Variants in LOXHD1 observed in about 807,000 individuals in gnomAD.
LOXHD1 encodes lipoxygenase homology PLAT domains 1, also known as lipoxygenase homology domain-containing protein 1.
LOXHD1 carries 205 observed loss-of-function variants against 248.2 expected under a neutral mutation model. The observed-to-expected ratio is 0.83, with a 90% confidence interval of 0.74 to 0.93. LOXHD1 has a LOEUF of 0.93. LOXHD1 is among the 40% of genes least tolerant of loss of function. The pLI, the probability that LOXHD1 is intolerant of heterozygous loss-of-function variation, is 0.00. For missense variants in LOXHD1, 2,930 were observed against 2,971.6 expected, an observed-to-expected ratio of 0.99 and a Z score of 0.33; for synonymous variants, 1,113 against 1,162.8, an observed-to-expected ratio of 0.96 and a Z score of 0.87.
intron 5 of LOXHD1, among the ~76,000 whole-genome samples, chr18:46,615,654 G>A (rs1014479708): frequency 1.3e-5 from 2 of 152,094 alleles, no homozygotes; most frequent in Non-Finnish European, 2.9e-5. Context: ...TGATAAGAAT[G>A]TGTATTCTCT....
chr18:46,529,365 G>A (rs1486183595), intron 28 of LOXHD1, 34 bp from the exon 29 acceptor site: 1 of 1,509,574 alleles, frequency 6.6e-7, no homozygotes, highest in Middle Eastern at 1.7e-4. Context: ...GACAGACAAA[G>A]GGAAGAAAAG....
At chr18:46,644,219 G>A (rs987847678) in intron 2 of LOXHD1, among the ~76,000 whole-genome samples, 3 of 152,192 alleles carry the variant, frequency 2.0e-5, no homozygotes, top group African/African-American at 7.2e-5. Flanking sequence ...TTCTGATGGT[G>A]CCTGAAATTT....
intron 26 of LOXHD1, among the ~76,000 whole-genome samples, chr18:46,535,433 C>T (rs2144292609): frequency 6.6e-6 from 1 of 152,236 alleles, no homozygotes; most frequent in African/African-American, 2.4e-5. Flanking sequence ...AGGTGAGCCC[C>T]TGAACTGGGC....
intron 25 of LOXHD1, among the ~76,000 whole-genome samples, chr18:46,538,696 T>C (rs1598949333): frequency 6.6e-6 from 1 of 152,186 alleles, no homozygotes; most frequent in Admixed American, 6.5e-5. Flanking sequence ...GGCAAGTTAA[T>C]TCTGAGCCTC....
Position 46,545,437 on chromosome 18 carries a change from T to C in LOXHD1, c.3515-16A>G. ...GTAGATTTATCTGCCAAGAGAATAG[T>C]ATAGAGCAATGAATTGTAGACTGTT... On this transcript the variant is annotated splice_polypyrimidine_tract_variant and intron_variant, in intron 22 of 40. Transcript: ENST00000642948. 6.6e-7 allele frequency: 1 copy of C among 1,520,610 alleles called. No individual in the cohort carries two copies. The highest frequency in any genetic ancestry group is 1.7e-4 in the Middle Eastern group (1 of 5,940). 94.2% of individuals were successfully genotyped at this position (1,520,610 alleles called of 1,614,324 possible).
At chr18:46,548,480 T>A (rs1023603082) in intron 21 of LOXHD1, among the ~76,000 whole-genome samples, 1 of 152,184 alleles carries the variant, frequency 6.6e-6, no homozygotes, top group African/African-American at 2.4e-5. Context: ...ACTGATGGCA[T>A]GGATTTAAAG....
intron 15 of LOXHD1, 36 bp from the exon 16 acceptor site, chr18:46,569,674 G>T (rs962811930): frequency 3.3e-6 from 5 of 1,517,370 alleles, no homozygotes; most frequent in Admixed American, 2.0e-5. Flanking sequence ...AAGGGAAGGG[G>T]TTAGTGCAGG....
intron 34 of LOXHD1, among the ~76,000 whole-genome samples, chr18:46,515,567 T>TA (rs1173867529): frequency 6.6e-6 from 1 of 152,232 alleles, no homozygotes; most frequent in Non-Finnish European, 1.5e-5. Flanking sequence ...GGAATTTAGA[T>TA]ACTTCCAGAA....
chr18:46,656,764 G>A (rs887836377), intron 1 of LOXHD1, 140 bp downstream of exon 1: 72 of 1,001,912 alleles, frequency 7.2e-5, no homozygotes, highest in Middle Eastern at 3.2e-4. Flanking sequence ...ACTCCGAGGG[G>A]ATATGGAACA....
chr18:46,623,325 A>G (rs2038694605), intron 4 of LOXHD1, among the ~76,000 whole-genome samples: 1 of 152,204 alleles, frequency 6.6e-6, no homozygotes. Context: ...TACCTTTCAC[A>G]TAGTCACCTC....
chr18:46,550,377 T>C (rs1463492672), intron 21 of LOXHD1, among the ~76,000 whole-genome samples: 1 of 151,300 alleles, frequency 6.6e-6, no homozygotes, highest in Non-Finnish European at 1.5e-5. Flanking sequence ...ATCGAGACCA[T>C]CCTGGCTAAC....
intron 21 of LOXHD1, among the ~76,000 whole-genome samples, chr18:46,557,025 C>T (rs1310810609): frequency 4.1e-5 from 6 of 145,644 alleles, no homozygotes; most frequent in East Asian, 2.1e-4. Context: ...CCTTACTTTT[C>T]GACGTCACAG....
intron 37 of LOXHD1, among the ~76,000 whole-genome samples, chr18:46,503,294 T>C (rs898348555): frequency 7.2e-5 from 11 of 152,164 alleles, no homozygotes; most frequent in African/African-American, 2.7e-4. Flanking sequence ...AGACAAGCTC[T>C]CCTGTTAGGG....
chr18:46,496,100 T>A (rs2033848913), intron 37 of LOXHD1, among the ~76,000 whole-genome samples: 1 of 152,070 alleles, frequency 6.6e-6, no homozygotes, highest in African/African-American at 2.4e-5. Flanking sequence ...TGATTTTATA[T>A]CCCCCAGCAA....
chr18:46,523,243 G>C (rs1421579011), intron 31 of LOXHD1, among the ~76,000 whole-genome samples: 1 of 152,158 alleles, frequency 6.6e-6, no homozygotes, highest in Non-Finnish European at 1.5e-5. Flanking sequence ...CACCACGCCT[G>C]GCCAGGAAAT....
chr18:46,552,871 C>T (rs1006400416), intron 21 of LOXHD1, among the ~76,000 whole-genome samples: 1 of 152,176 alleles, frequency 6.6e-6, no homozygotes, highest in East Asian at 1.9e-4. Flanking sequence ...AATAGAATTA[C>T]TCATTCCTTT....
intron 12 of LOXHD1, among the ~76,000 whole-genome samples, 168 bp downstream of exon 12, chr18:46,591,765 G>A (rs1402865227): frequency 6.6e-6 from 1 of 152,156 alleles, no homozygotes; most frequent in East Asian, 1.9e-4. Flanking sequence ...ACTTGGAGAT[G>A]GCTTTTCCAA....
rs1431126849 is a variant in LOXHD1, at chr18:46,577,693, C to T, written c.1970+14G>A. ...CTAAGCTGGAGAAAACACCAGCAGG[C>T]AGGACGCATGTACCTGAGACATGGG... On this transcript the variant is annotated intron_variant, in intron 14 of 40. Transcript: ENST00000642948. 1 of 1,547,140 alleles carries T rather than the reference C, an allele frequency of 6.5e-7. No homozygotes were observed. Among genetic ancestry groups the T allele is most frequent in the South Asian group, 1.2e-5 (1 of 83,862 alleles).
rs1423265088 is a variant in LOXHD1, at chr18:46,639,699, TTGCAG to T, written c.423_427del (p.Asn141LysfsTer10). 1.3e-6 allele frequency: 2 copies of T among 1,551,760 alleles called. No individual in the cohort carries two copies. Among genetic ancestry groups the T allele is most frequent in the Non-Finnish European group, 1.7e-6 (2 of 1,147,000 alleles). On this transcript the variant is annotated frameshift_variant, in exon 4 of 41. Transcript: ENST00000642948. LOFTEE classifies it high-confidence loss of function. ...ACCTTCCACCTTGCTCAGCCAGTTGTTGCAGTTGAAGTAGTAACGGAGATGAGGCC... is the reference window on the plus strand; with the variant it reads ...ACCTTCCACCTTGCTCAGCCAGTTGTTTGAAGTAGTAACGGAGATGAGGCC...
Sources: gnomAD v4.1 joint callset for allele counts (sites outside exome capture counted in the v4.1 genomes callset) on GRCh38, gnomAD v4.1.1 for gene constraint, MANE v1.5 for transcripts, NCBI Gene and HGNC (gene_info 2026-07-23, HGNC 2026-07-21) for gene names.